PIK3C2G: variants seen among roughly 807,000 people sequenced by gnomAD.
PIK3C2G encodes phosphatidylinositol-4-phosphate 3-kinase catalytic subunit type 2 gamma, also known as phosphatidylinositol 3-kinase C2 domain-containing subunit gamma.
A neutral mutation model predicts 181.1 loss-of-function variants in PIK3C2G; 168 were observed. That is an observed-to-expected ratio of 0.93 (90% CI 0.82 to 1.05). The LOEUF is 1.05. Among genes scored for constraint, PIK3C2G ranks in the 50% least tolerant of loss-of-function variants. The pLI is 0.00. For missense variants in PIK3C2G, 1,869 were observed against 1,732.8 expected (o/e 1.08, Z -1.40); for synonymous variants, 573 against 592.2 (o/e 0.97, Z 0.47).
At chr12:18,264,589 A>G (rs1469968862) in intron 1 of PIK3C2G, among the ~76,000 whole-genome samples, 7 of 150,406 alleles carry the variant, frequency 4.7e-5, no homozygotes, top group African/African-American at 1.7e-4. Flanking sequence ...CTTTGTTGTG[A>G]TATTTTTTGC....
chr12:18,262,393 C>CAGAGA (rs1948282977), intron 1 of PIK3C2G, among the ~76,000 whole-genome samples: 2 of 151,914 alleles, frequency 1.3e-5, no homozygotes, highest in Non-Finnish European at 2.9e-5. Context: ...ACTCAGAGAG[C>CAGAGA]GAGGTTAAAG....
the PIK3C2G span, among the ~76,000 whole-genome samples, chr12:18,718,446 C>G: frequency 3.3e-5 from 5 of 152,156 alleles, no homozygotes; most frequent in Non-Finnish European, 5.9e-5. Context: ...TCTCCATGCT[C>G]TACAAGATCC....
At chr12:18,682,709 T>G in the PIK3C2G span, among the ~76,000 whole-genome samples, 1 of 152,104 alleles carries the variant, frequency 6.6e-6, no homozygotes, top group African/African-American at 2.4e-5. Context: ...TAAAAATGGC[T>G]GTCTAATTAC....
chr12:18,343,646 C>T (rs1939365268), intron 10 of PIK3C2G, among the ~76,000 whole-genome samples: 2 of 151,876 alleles, frequency 1.3e-5, no homozygotes, highest in South Asian at 2.1e-4. Context: ...AATTATAATA[C>T]TGAAAATATC....
the PIK3C2G span, among the ~76,000 whole-genome samples, chr12:18,715,438 G>A: frequency 2.0e-5 from 3 of 150,496 alleles, no homozygotes; most frequent in African/African-American, 7.3e-5. Flanking sequence ...GTCTCGCTCT[G>A]TCGCCCAGAC....
At chr12:18,266,938 TGTACCATATACATATGCA>T (rs1948527346) in intron 1 of PIK3C2G, among the ~76,000 whole-genome samples, 1 of 152,110 alleles carries the variant, frequency 6.6e-6, no homozygotes, top group Non-Finnish European at 1.5e-5. Context: ...TATGTATATA[TGTACCATATACATATGCA>T]GATGTAATAT....
At chr12:18,643,420 A>G (rs1208256977) in intron 32 of PIK3C2G, among the ~76,000 whole-genome samples, 2 of 152,092 alleles carry the variant, frequency 1.3e-5, no homozygotes, top group East Asian at 3.9e-4. Flanking sequence ...TAGTGTGTGT[A>G]TAAGTGATGA....
intron 5 of PIK3C2G, among the ~76,000 whole-genome samples, chr12:18,297,344 C>CA (rs1342960038): frequency 3.3e-5 from 5 of 151,748 alleles, no homozygotes; most frequent in African/African-American, 1.2e-4. Flanking sequence ...CAATCCTAAC[C>CA]AAAAAACCAC....
At position 18,450,214 on chromosome 12, in the gene PIK3C2G, C is replaced by T. The variant is rs545196474; in HGVS notation, c.2504+26175C>T. On this transcript the variant is annotated intron_variant, in intron 18 of 32. Coordinates refer to ENST00000538779, the MANE Select transcript of PIK3C2G (RefSeq NM_001288772.2). ...CAATCTCAGCTCACCGCAACCTCCA[C>T]CTCCTGGGTTCAGGTGATTCTCCTG... Among the ~76,000 whole-genome samples, 122 of 152,356 alleles carry T rather than the reference C, an allele frequency of 8.0e-4. 1 individual carries two copies. The South Asian group carries it at 8.5e-3, about 11-fold the overall frequency.
At chr12:18,419,220 C>T (rs1398569683) in intron 16 of PIK3C2G, among the ~76,000 whole-genome samples, 1 of 152,128 alleles carries the variant, frequency 6.6e-6, no homozygotes, top group Non-Finnish European at 1.5e-5. Context: ...AAAGATATAG[C>T]ATTCACCAAA....
intron 31 of PIK3C2G, among the ~76,000 whole-genome samples, chr12:18,614,997 G>A (rs1013166976): frequency 6.6e-6 from 1 of 151,726 alleles, no homozygotes; most frequent in Non-Finnish European, 1.5e-5. Context: ...GCTTTTTAGG[G>A]AACAGGTGCT....
intron 31 of PIK3C2G, among the ~76,000 whole-genome samples, chr12:18,620,547 T>TAGATAGAC (rs1191841826): frequency 6.6e-6 from 1 of 151,816 alleles, no homozygotes; most frequent in Non-Finnish European, 1.5e-5. Flanking sequence ...GATAGATAGA[T>TAGATAGAC]AGATAGATAG....
chr12:18,631,383 A>G (rs1040586885), intron 31 of PIK3C2G, among the ~76,000 whole-genome samples: 1 of 152,208 alleles, frequency 6.6e-6, no homozygotes, highest in Non-Finnish European at 1.5e-5. Context: ...GGACCTCGTC[A>G]AAGACACTAA....
rs150026193 is a variant in PIK3C2G at position 18,424,257 on chromosome 12, A to G, written c.2504+218A>G. Reference sequence around the variant, plus strand: ...GGACAGTTGCTACTGTTAATCAGGAAGTTAAATCCAAACAGAATTTCAAAT... The same window carrying G: ...GGACAGTTGCTACTGTTAATCAGGAGGTTAAATCCAAACAGAATTTCAAAT... On this transcript the variant is annotated intron_variant, in intron 18 of 32. Coordinates refer to ENST00000538779, the MANE Select transcript of PIK3C2G (RefSeq NM_001288772.2). 2.4e-4 allele frequency among the ~76,000 whole-genome samples: 37 copies of G among 152,360 alleles called. No individual in the cohort carries two copies. In the East Asian group the frequency reaches 7.1e-3, roughly 29 times the overall value.
chr12:18,311,165 T>A (rs1266230434), intron 5 of PIK3C2G, among the ~76,000 whole-genome samples: 2 of 151,868 alleles, frequency 1.3e-5, no homozygotes, highest in Non-Finnish European at 2.9e-5. Context: ...CCAAATCTGA[T>A]AATTATGGTG....
At chr12:18,614,988 C>T (rs1057113791) in intron 31 of PIK3C2G, among the ~76,000 whole-genome samples, 31 of 151,862 alleles carry the variant, frequency 2.0e-4, no homozygotes, top group African/African-American at 6.3e-4. Context: ...TATTTCAATG[C>T]TTTTTAGGGA....
chr12:18,471,303 A>G (rs1343969492), intron 18 of PIK3C2G, among the ~76,000 whole-genome samples: 2 of 152,138 alleles, frequency 1.3e-5, no homozygotes, highest in South Asian at 2.1e-4. Context: ...AGGAATCTCA[A>G]CCTACATGAA....
chr12:18,347,258 C>T (rs1291329873), intron 11 of PIK3C2G, among the ~76,000 whole-genome samples: 1 of 151,972 alleles, frequency 6.6e-6, no homozygotes, highest in Non-Finnish European at 1.5e-5. Flanking sequence ...CACCAGGTTT[C>T]AGTGGTATTT....
intron 16 of PIK3C2G, among the ~76,000 whole-genome samples, chr12:18,405,876 T>C (rs190741675): frequency 3.0e-3 from 463 of 152,310 alleles, no homozygotes; most frequent in Non-Finnish European, 3.2e-3. Flanking sequence ...AAACTTATTT[T>C]TGTGTTTAGA....
Sources: gnomAD v4.1 joint callset for allele counts (sites outside exome capture counted in the v4.1 genomes callset) on GRCh38, gnomAD v4.1.1 for gene constraint, MANE v1.5 for transcripts, NCBI Gene and HGNC (gene_info 2026-07-23, HGNC 2026-07-21) for gene names.